DDX41: variants seen among roughly 807,000 people sequenced by gnomAD.
DDX41 encodes DEAD-box helicase 41.
In DDX41, 50 loss-of-function variants were observed where a neutral mutation model predicts 78.8. That is an observed-to-expected ratio of 0.63 (90% CI 0.51 to 0.80). The LOEUF (loss-of-function observed/expected upper bound fraction) is 0.80, where lower values mean the gene tolerates loss of function less well. Ranked by LOEUF, DDX41 falls within the 30% of genes least tolerant of loss-of-function variation. The pLI is 0.00. For synonymous variants in DDX41, 381 were observed against 321.5 expected (o/e 1.19, Z -1.98); for missense variants, 633 against 849.2 (o/e 0.75, Z 3.16).
In DDX41 at chr5:177,512,509, C is replaced by T; in HGVS notation, c.1536G>A (p.Glu512=). The T allele has an allele frequency of 5.0e-6, 8 of 1,614,194 alleles. No homozygotes were observed. The highest frequency in any genetic ancestry group is 5.9e-6 in the Non-Finnish European group (7 of 1,180,040). The change falls in exon 14 of 17, where the codon GAG becomes GAA. Residue 512 remains glutamate (E), a synonymous_variant. Coordinates refer to ENST00000330503, the MANE Select transcript of DDX41 (RefSeq NM_016222.4). ...QHVINYDMPE[E]IENYVHRIGR... ...CCAGGCTCTTACCATAGTTCTCAAT[C>T]TCCTCTGGCATGTCATAATTGATGA...
Position 177,515,230 on chromosome 5 carries a change from G to A in DDX41, c.600C>T (p.Gly200=), listed in dbSNP as rs1166875011. ...TCTGAATGGGTGTTGGGTGGTGAAT[G>A]CCTTTCTTCTTCAGGCCTCTCAGGA... ...AAILRGLKKK[G]IHHPTPIQIQ... Residue 200 remains glycine, a synonymous_variant, in exon 7 of 17, where the codon GGC becomes GGT. Coordinates refer to ENST00000330503, the MANE Select transcript of DDX41 (RefSeq NM_016222.4). 5 of 1,613,864 alleles carry A rather than the reference G, an allele frequency of 3.1e-6. No individual in the cohort carries two copies. The highest frequency in any genetic ancestry group is 3.4e-6 in the Non-Finnish European group (4 of 1,180,026).
Position 177,516,106 on chromosome 5 carries a change from G to C in DDX41, c.373+13C>G. ...CTCAGTCCACCTTCTCACTATCCTG[G>C]CTACAACCATACCTCGGCCCTCGGC... On this transcript the variant is annotated intron_variant, in intron 4 of 16. Transcript: ENST00000330503. 6.2e-7 allele frequency: 1 copy of C among 1,613,986 alleles called. No individual in the cohort carries two copies. Among genetic ancestry groups the C allele is most frequent in the Non-Finnish European group, 8.5e-7 (1 of 1,180,006 alleles).
Position 177,511,671 on chromosome 5 carries a change from C to G in DDX41, c.*120G>C. On this transcript the variant is annotated 3_prime_UTR_variant, in exon 17 of 17. Coordinates refer to ENST00000330503, the MANE Select transcript of DDX41 (RefSeq NM_016222.4). The stretch of plus-strand genomic sequence containing the variant: ...CAGGGAACAGGCAGCCAGGACCAGC[C>G]TGGCCCATCCCAGGCCAGCTGAGCT... 7.2e-7 allele frequency: 1 copy of G among 1,391,320 alleles called. No homozygotes were observed. Among genetic ancestry groups the G allele is most frequent in the East Asian group, 2.3e-5 (1 of 43,364 alleles). 86.2% of individuals were successfully genotyped at this position (1,391,320 alleles called of 1,614,324 possible).
chr5:177,515,386 GA>G, intron 6 of DDX41, 128 bp from the exon 7 acceptor site: 2 of 1,003,156 alleles, frequency 2.0e-6, no homozygotes, highest in Admixed American at 2.0e-5. Flanking sequence ...GAGAGAGAGA[GA>G]GTGGAAAAAA....
At position 177,511,845 on chromosome 5, in the gene DDX41, C is replaced by A. The variant is rs1257961807; in HGVS notation, c.1815G>T (p.Gln605His). ...AGTCCTTGCGACCGATGTTGCTGAC[C>A]TGCTTGGTCTGCATAGCCTCGAGTT... ...CPKLEAMQTK[Q>H]VSNIGRKDYL... Residue 605 changes from glutamine to histidine, a missense_variant, in exon 17 of 17, where the codon CAG (glutamine) becomes CAT (histidine). Gln to His is a conservative substitution (Grantham distance 24). This residue lies in a region of DDX41 where 185 missense variants were observed against 367.4 expected (regional missense o/e 0.50). Coordinates refer to ENST00000330503, the MANE Select transcript of DDX41 (RefSeq NM_016222.4). 6.2e-7 allele frequency: 1 copy of A among 1,614,180 alleles called. No homozygotes were observed.
In DDX41 at chr5:177,515,910, G is replaced by A. The variant is rs1761206342; in HGVS notation, c.434+19C>T. On this transcript the variant is annotated intron_variant, in intron 5 of 16. Transcript: ENST00000330503. The stretch of plus-strand genomic sequence containing the variant: ...TGTACCATCCTAAGCAAGGGCAACT[G>A]CAGACTGTACAGACATACCTGGTTT... 1.9e-6 allele frequency: 3 copies of A among 1,614,202 alleles called. No individual in the cohort carries two copies. The highest frequency in any genetic ancestry group is 1.7e-6 in the Non-Finnish European group (2 of 1,180,036).
rs751677810 is a variant in DDX41, at chr5:177,511,766, T to C, written c.*25A>G. The stretch of plus-strand genomic sequence containing the variant: ...TGGCAGTCTTGGGGACTGAGGCCTC[T>C]TGGAGAGAAGGGAAGACTGTCGGCT... On this transcript the variant is annotated 3_prime_UTR_variant, in exon 17 of 17. Coordinates refer to ENST00000330503, the MANE Select transcript of DDX41 (RefSeq NM_016222.4). 6.3e-5 allele frequency: 101 copies of C among 1,613,330 alleles called. No individual in the cohort carries two copies. Among genetic ancestry groups the C allele is most frequent in the Non-Finnish European group, 7.9e-5 (93 of 1,179,564 alleles).
At position 177,515,690 on chromosome 5, in the gene DDX41, G is replaced by GA. The variant is rs1761193427; in HGVS notation, c.565_566insT (p.Pro189LeufsTer32). The stretch of plus-strand genomic sequence containing the variant: ...TCTCTCCAGCCCCTGACTACCTGCA[G>GA]GAAACTTCATTTCCTTGAAGCTCTT... On this transcript the variant is annotated frameshift_variant, in exon 6 of 17. Coordinates refer to ENST00000330503, the MANE Select transcript of DDX41 (RefSeq NM_016222.4). LOFTEE classifies it high-confidence loss of function. The GA allele has an allele frequency of 6.2e-7, 1 of 1,613,894 alleles. No individual in the cohort carries two copies. The highest frequency in any genetic ancestry group is 1.3e-5 in the African/African-American group (1 of 74,906).
chr5:177,513,853 G>C lies in DDX41; in HGVS notation c.936-6C>G, dbSNP rs1352205635. On this transcript the variant is annotated splice_region_variant and splice_polypyrimidine_tract_variant and intron_variant, in intron 9 of 16. Coordinates refer to ENST00000330503, the MANE Select transcript of DDX41 (RefSeq NM_016222.4). This position sits in a 1 kb window ranked among gnomAD's most constrained non-coding sequence, Gnocchi z 4.6. ...CCACCATCATGTGTACACCGCTGGG[G>C]ACCAAGGAGAGACCCTGAGGTTGGG... 6.2e-7 allele frequency: 1 copy of C among 1,613,230 alleles called. No homozygotes were observed. Among genetic ancestry groups the C allele is most frequent in the East Asian group, 2.2e-5 (1 of 44,870 alleles).
chr5:177,512,981 C>A (rs759726397), intron 12 of DDX41, 30 bp downstream of exon 12: 5 of 1,612,302 alleles, frequency 3.1e-6, no homozygotes, highest in Non-Finnish European at 4.2e-6. Flanking sequence ...CCTGGGGACT[C>A]TGGCCCCGGC....
chr5:177,516,253 C>T, intron 3 of DDX41, 35 bp downstream of exon 3: 1 of 1,614,152 alleles, frequency 6.2e-7, no homozygotes, highest in Non-Finnish European at 8.5e-7. Flanking sequence ...GGCTCAGCTT[C>T]TTCTTTCTCG....
rs762211935 is a variant in DDX41 at position 177,516,343 on chromosome 5, A to G, written c.243T>C (p.Pro81=). 1 of 1,614,102 alleles carries G rather than the reference A, an allele frequency of 6.2e-7. No individual in the cohort carries two copies. Among genetic ancestry groups the G allele is most frequent in the South Asian group, 1.1e-5 (1 of 91,080 alleles). Residue 81 remains proline, a synonymous_variant, in exon 3 of 17, where the codon CCT becomes CCC. Transcript: ENST00000330503. ...GATCCAGGAGGCTGACGTTGGACTG[A>G]GGGCCTAGCGGGATGTCGTCCTCAT... ...RGDEDDIPLG[P]QSNVSLLDQH... is the part of the protein sequence containing the mutation.
rs774698335 is a variant in DDX41, at chr5:177,513,767, C to T, written c.1016G>A (p.Arg339His). The change falls in exon 10 of 17, where the codon CGC (arginine) becomes CAC (histidine). Residue 339 changes from arginine (R) to histidine (H), a missense_variant. Arg to His is a conservative substitution (Grantham distance 29, BLOSUM62 0). Around this residue, in one of 6 missense-constraint regions of DDX41, gnomAD observed 151 missense variants for 169.2 expected, o/e 0.89. Transcript: ENST00000330503. The surrounding 1 kb of genome is among the most constrained non-coding windows in gnomAD (Gnocchi z 4.6). Reference sequence around the variant, plus strand: ...GTCAGCCTCGTCCAGGGCCAGGTAGCGACAGATGTCTAGGCTGACCATCTT... The same window carrying T: ...GTCAGCCTCGTCCAGGGCCAGGTAGTGACAGATGTCTAGGCTGACCATCTT... ...QKKMVSLDIC[R>H]YLALDEADRM... The T allele has an allele frequency of 5.4e-5, 87 of 1,613,734 alleles. No individual in the cohort carries two copies. The highest frequency in any genetic ancestry group is 2.1e-4 in the African/African-American group (16 of 74,910).
In DDX41 at chr5:177,516,341, T is replaced by A; in HGVS notation, c.245A>T (p.Gln82Leu). Residue 82 changes from glutamine to leucine, a missense_variant, in exon 3 of 17, where the codon CAG (glutamine) becomes CTG (leucine). Transcript: ENST00000330503. ...GDEDDIPLGP[Q>L]SNVSLLDQHQ... ...CTGATCCAGGAGGCTGACGTTGGACTGAGGGCCTAGCGGGATGTCGTCCTC... is the reference window on the plus strand; with the variant it reads ...CTGATCCAGGAGGCTGACGTTGGACAGAGGGCCTAGCGGGATGTCGTCCTC... The A allele has an allele frequency of 6.2e-7, 1 of 1,614,162 alleles. No homozygotes were observed.
intron 15 of DDX41, 24 bp downstream of exon 15, chr5:177,512,298 A>C (rs774389617): frequency 1.2e-6 from 2 of 1,613,984 alleles, no homozygotes; most frequent in Admixed American, 3.3e-5. Context: ...GGAACAGCTA[A>C]GGTGGCGCTG....
intron 3 of DDX41, 37 bp downstream of exon 3, chr5:177,516,251 T>C: frequency 6.2e-7 from 1 of 1,614,086 alleles, no homozygotes; most frequent in Non-Finnish European, 8.5e-7. Flanking sequence ...CAGGCTCAGC[T>C]TCTTCTTTCT....
chr5:177,515,733 C>T lies in DDX41; in HGVS notation c.523G>A (p.Gly175Ser), dbSNP rs377695856. 6 of 1,613,974 alleles carry T rather than the reference C, an allele frequency of 3.7e-6. No homozygotes were observed. The highest frequency in any genetic ancestry group is 3.3e-4 in the Middle Eastern group (2 of 6,084). ...AAGCTCTTGATGGGTGGTGGGATAC[C>T]GTCTCCCTCCACCAGGATGTGGTAT... ...KKYHILVEGD[G>S]IPPPIKSFKE... Residue 175 changes from glycine to serine, a missense_variant, in exon 6 of 17, where the codon GGT (glycine) becomes AGT (serine). Physicochemically the swap from Gly to Ser is moderately conservative, Grantham distance 56. Transcript: ENST00000330503.
At position 177,512,061 on chromosome 5, in the gene DDX41, C is replaced by A. The variant is rs771471042; in HGVS notation, c.1732+35G>T. The A allele has an allele frequency of 8.1e-6, 13 of 1,609,452 alleles. No homozygotes were observed. The South Asian group carries it at 1.3e-4, about 16-fold the overall frequency. On this transcript the variant is annotated intron_variant, in intron 16 of 16. Transcript: ENST00000330503. ...TCCAGCACCCCTCCTTGCCACCTGC[C>A]GGCTGGGGACTCGGGGATCCCGCTC...
In DDX41 at chr5:177,513,316, A is replaced by G. The variant is rs772960587; in HGVS notation, c.1230+37T>C. 9.9e-6 allele frequency: 16 copies of G among 1,613,324 alleles called. No homozygotes were observed. Among genetic ancestry groups the G allele is most frequent in the Admixed American group, 1.7e-5 (1 of 59,980 alleles). ...GGGAGACTTGTCAGATCCAGCCCCC[A>G]CAGGTGAGAGACCGCCCATCAGGAG... On this transcript the variant is annotated intron_variant, in intron 11 of 16. Coordinates refer to ENST00000330503, the MANE Select transcript of DDX41 (RefSeq NM_016222.4). This position sits in a 1 kb window ranked among gnomAD's most constrained non-coding sequence, Gnocchi z 4.6.
Sources: gnomAD v4.1 joint callset for allele counts on GRCh38, gnomAD v4.1.1 for gene constraint, gnomAD v4.1.1 regional missense constraint, Gnocchi (gnomAD v3.1) non-coding constraint, MANE v1.5 for transcripts, NCBI Gene and HGNC (gene_info 2026-07-23, HGNC 2026-07-21) for gene names.